Variants in HS6ST3 observed in about 807,000 individuals in gnomAD.
The protein encoded by HS6ST3 is heparan sulfate 6-O-sulfotransferase 3, also known as heparan-sulfate 6-O-sulfotransferase 3.
Under a neutral mutation model 36.7 loss-of-function variants are expected in HS6ST3, and 12 were observed. The observed-to-expected ratio is 0.33, with a 90% confidence interval of 0.21 to 0.53. The LOEUF is 0.53. Ranked by LOEUF, HS6ST3 falls within the 20% of genes least tolerant of loss-of-function variation. HS6ST3 has a pLI of 0.95. For missense variants in HS6ST3, 584 were observed against 640.9 expected, an observed-to-expected ratio of 0.91 and a Z score of 0.96; for synonymous variants, 240 against 257.5, an observed-to-expected ratio of 0.93 and a Z score of 0.65.
At chr13:96,523,456 C>T (rs187464953) in intron 1 of HS6ST3, among the ~76,000 whole-genome samples, 20 of 152,276 alleles carry the variant, frequency 1.3e-4, no homozygotes, top group Admixed American at 3.3e-4. Flanking sequence ...TCCTGAAGAG[C>T]GTTTTCTAAC....
intron 1 of HS6ST3, among the ~76,000 whole-genome samples, chr13:96,810,151 A>T (rs1878286688): frequency 6.6e-6 from 1 of 152,184 alleles, no homozygotes. Flanking sequence ...GAGGCACCCC[A>T]GCCTCCCGGG....
chr13:96,827,752 C>T (rs1255784093), intron 1 of HS6ST3, among the ~76,000 whole-genome samples: 2 of 152,088 alleles, frequency 1.3e-5, no homozygotes, highest in Non-Finnish European at 2.9e-5. Context: ...CAGTGTTAAA[C>T]TGAATAAAGT....
chr13:96,812,718 A>G (rs1407781345), intron 1 of HS6ST3, among the ~76,000 whole-genome samples: 3 of 152,126 alleles, frequency 2.0e-5, no homozygotes, highest in African/African-American at 7.2e-5. Flanking sequence ...AAAGTTGTCA[A>G]CCCATTATGG....
intron 1 of HS6ST3, among the ~76,000 whole-genome samples, chr13:96,587,535 T>A (rs952419007): frequency 8.5e-5 from 13 of 152,216 alleles, no homozygotes; most frequent in African/African-American, 2.9e-4. Context: ...TCAAACTGCA[T>A]CATTACAAGA....
chr13:96,433,905 A>G (rs978287003), intron 1 of HS6ST3, among the ~76,000 whole-genome samples: 4 of 152,220 alleles, frequency 2.6e-5, no homozygotes, highest in African/African-American at 9.6e-5. Context: ...ATTGCACTCC[A>G]GCCTGGGTGA....
chr13:96,459,220 T>G (rs7331513), intron 1 of HS6ST3, among the ~76,000 whole-genome samples: 31,260 of 151,300 alleles, frequency 0.21, 3,533 homozygotes, highest in African/African-American at 0.3. Context: ...CCTGAGGATA[T>G]AATTAATACT....
At chr13:96,616,261 T>C (rs974237218) in intron 1 of HS6ST3, among the ~76,000 whole-genome samples, 1 of 152,210 alleles carries the variant, frequency 6.6e-6, no homozygotes, top group Non-Finnish European at 1.5e-5. Flanking sequence ...ATCCATAAAC[T>C]AGACAATTGA....
intron 1 of HS6ST3, among the ~76,000 whole-genome samples, chr13:96,671,545 C>T (rs1012883209): frequency 6.6e-6 from 1 of 152,100 alleles, no homozygotes; most frequent in African/African-American, 2.4e-5. Context: ...ATGTATTTTT[C>T]TCACAGCTTT....
intron 1 of HS6ST3, among the ~76,000 whole-genome samples, chr13:96,426,890 A>G (rs565304740): frequency 2.0e-5 from 3 of 152,340 alleles, no homozygotes; most frequent in African/African-American, 7.2e-5. Context: ...ATCTTTTGCA[A>G]GGGTTTTAGT....
chr13:96,347,049 G>A (rs1352364622), intron 1 of HS6ST3, among the ~76,000 whole-genome samples: 5 of 152,084 alleles, frequency 3.3e-5, no homozygotes, highest in Admixed American at 2.0e-4. Flanking sequence ...GGCAGGGCGC[G>A]GGTCTTTCCT....
chr13:96,332,381 G>A (rs560031009), intron 1 of HS6ST3, among the ~76,000 whole-genome samples: 2 of 152,080 alleles, frequency 1.3e-5, no homozygotes, highest in Non-Finnish European at 2.9e-5. Flanking sequence ...GCTTACTAAC[G>A]GTAACCTTTG....
intron 1 of HS6ST3, among the ~76,000 whole-genome samples, chr13:96,561,088 A>G (rs1425539270): frequency 6.6e-6 from 1 of 152,212 alleles, no homozygotes; most frequent in East Asian, 1.9e-4. Flanking sequence ...ATCCCAAGCA[A>G]AAAAACAAAG....
At chr13:96,218,173 A>G (rs1482809933) in intron 1 of HS6ST3, among the ~76,000 whole-genome samples, 2 of 152,166 alleles carry the variant, frequency 1.3e-5, no homozygotes, top group African/African-American at 4.8e-5. Flanking sequence ...GCTCCTCACC[A>G]TCTCTGTGTC....
At chr13:96,205,740 A>G (rs2054366830) in intron 1 of HS6ST3, among the ~76,000 whole-genome samples, 1 of 152,206 alleles carries the variant, frequency 6.6e-6, no homozygotes, top group Non-Finnish European at 1.5e-5. Context: ...TGATTATCCC[A>G]ATAGATTTGA....
chr13:96,102,437 G>A (rs1482202471), intron 1 of HS6ST3, among the ~76,000 whole-genome samples: 3 of 151,944 alleles, frequency 2.0e-5, no homozygotes, highest in Admixed American at 6.6e-5. Context: ...AGCCAATATC[G>A]GGCCACTGCA....
chr13:96,639,284 T>C (rs1272226106), intron 1 of HS6ST3, among the ~76,000 whole-genome samples: 1 of 152,022 alleles, frequency 6.6e-6, no homozygotes, highest in Non-Finnish European at 1.5e-5. Context: ...TAAAATGTCC[T>C]TACTTGTTTC....
intron 1 of HS6ST3, among the ~76,000 whole-genome samples, chr13:96,455,865 T>G (rs1264968286): frequency 6.6e-6 from 1 of 152,218 alleles, no homozygotes; most frequent in Non-Finnish European, 1.5e-5. Flanking sequence ...AGAAAGCCTG[T>G]GCTTTTGTGA....
At chr13:96,519,628 C>A (rs765897451) in intron 1 of HS6ST3, among the ~76,000 whole-genome samples, 1 of 152,130 alleles carries the variant, frequency 6.6e-6, no homozygotes, top group Non-Finnish European at 1.5e-5. Context: ...CCTTTATTTG[C>A]CTATTCATAG....
At chr13:96,093,925 CA>C (rs1311389494) in intron 1 of HS6ST3, among the ~76,000 whole-genome samples, 2 of 152,208 alleles carry the variant, frequency 1.3e-5, no homozygotes, top group East Asian at 3.9e-4. Flanking sequence ...ATAATGGGAA[CA>C]AGGTTCTACT....
Sources: allele counts gnomAD v4.1 joint callset (sites outside exome capture counted in the v4.1 genomes callset), GRCh38; gene constraint gnomAD v4.1.1; transcripts MANE v1.5; gene names NCBI Gene and HGNC (gene_info 2026-07-23, HGNC 2026-07-21).